NLRC5: variants seen among roughly 807,000 people sequenced by gnomAD.
NLRC5 encodes the protein NLR family CARD domain containing 5.
NLRC5 carries 114 observed loss-of-function variants against 206.9 expected under a neutral mutation model. That is an observed-to-expected ratio of 0.55 (90% CI 0.47 to 0.64). The LOEUF (loss-of-function observed/expected upper bound fraction) is 0.64, where lower values mean the gene tolerates loss of function less well. Ranked by LOEUF, NLRC5 falls within the 30% of genes least tolerant of loss-of-function variation. NLRC5 has a pLI of 0.00. For synonymous variants in NLRC5, 952 were observed against 962.8 expected, an observed-to-expected ratio of 0.99 and a Z score of 0.21; for missense variants, 2,008 against 2,305.5, an observed-to-expected ratio of 0.87 and a Z score of 2.64.
chr16:56,993,865 G>A (rs1218023857), intron 1 of NLRC5, among the ~76,000 whole-genome samples: 1 of 150,760 alleles, frequency 6.6e-6, no homozygotes, highest in African/African-American at 2.4e-5. Flanking sequence ...TGGTGGCATA[G>A]TTGCTTATAG....
chr16:57,028,481 C>A, intron 8 of NLRC5, 96 bp downstream of exon 8: 3 of 973,000 alleles, frequency 3.1e-6, no homozygotes, highest in Non-Finnish European at 4.9e-6. Flanking sequence ...CCAAGTCTGA[C>A]CAGTAGTTTT....
At position 57,026,875 on chromosome 16, in the gene NLRC5, C is replaced by T; in HGVS notation, c.1932C>T (p.Phe644=). 1 of 1,614,230 alleles carries T rather than the reference C, an allele frequency of 6.2e-7. No individual in the cohort carries two copies. The highest frequency in any genetic ancestry group is 8.5e-7 in the Non-Finnish European group (1 of 1,180,042). The change falls in exon 6 of 49, where the codon TTC becomes TTT. Residue 644 remains phenylalanine, a synonymous_variant. Coordinates refer to ENST00000688547, the MANE Select transcript of NLRC5 (RefSeq NM_001384950.1). ...SLPYQLPFHN[F]PLTCTDLATL... ...CCTATCAACTGCCCTTCCACAATTT[C>T]CCACTGACCTGCACCGACCTGGCCA... is the stretch of plus-strand genomic sequence containing the variant.
At chr16:57,036,354 A>T (rs553049162) in intron 14 of NLRC5, among the ~76,000 whole-genome samples, 171 bp downstream of exon 14, 2 of 152,366 alleles carry the variant, frequency 1.3e-5, no homozygotes, top group East Asian at 1.9e-4. Context: ...CTCCGGCATG[A>T]GCCACTGTCT....
chr16:57,012,091 T>C (rs1276074709), intron 1 of NLRC5, among the ~76,000 whole-genome samples: 1 of 152,254 alleles, frequency 6.6e-6, no homozygotes, highest in Non-Finnish European at 1.5e-5. Flanking sequence ...AGTAATCTAC[T>C]TGCTGTTTCA....
intron 36 of NLRC5, among the ~76,000 whole-genome samples, chr16:57,069,379 T>C (rs1362729084): frequency 6.6e-6 from 1 of 152,122 alleles, no homozygotes; most frequent in Admixed American, 6.5e-5. Context: ...GAAAAATCGC[T>C]TGAGCCCGGG....
At chr16:57,014,615 A>G (rs551338719) in intron 1 of NLRC5, among the ~76,000 whole-genome samples, 3 of 152,364 alleles carry the variant, frequency 2.0e-5, no homozygotes, top group African/African-American at 7.2e-5. Context: ...TGTTGTACAT[A>G]AAGTGCTGTT....
chr16:57,026,034 T>C lies in NLRC5; in HGVS notation c.1091T>C (p.Met364Thr), dbSNP rs1043168817. 3 of 1,613,918 alleles carry C rather than the reference T, an allele frequency of 1.9e-6. No homozygotes were observed. The highest frequency in any genetic ancestry group is 2.5e-6 in the Non-Finnish European group (3 of 1,180,056). The change falls in exon 6 of 49, where the codon ATG becomes ACG. Residue 364 changes from methionine (M) to threonine (T), a missense_variant. Transcript: ENST00000688547. ...CLPAEAAMVH[M>T]LGFDGPRVEE... ...CCTGCAGAGGCAGCCATGGTCCACA[T>C]GTTGGGCTTTGATGGGCCACGGGTG...
chr16:57,077,641 G>T (rs1375665595), intron 41 of NLRC5, 78 bp from the exon 42 acceptor site: 7 of 1,411,950 alleles, frequency 5.0e-6, no homozygotes, highest in African/African-American at 1.4e-5. Context: ...TGAAGCAGGG[G>T]TGGCAGACCC....
At chr16:57,081,364 C>G (rs1430917454) in intron 47 of NLRC5, 163 bp from the exon 48 acceptor site, 8 of 863,820 alleles carry the variant, frequency 9.3e-6, no homozygotes, top group African/African-American at 5.0e-5. Context: ...AGCCTTCCTG[C>G]TGCACCTGCC....
intron 1 of NLRC5, among the ~76,000 whole-genome samples, chr16:57,006,484 T>C (rs1473290010): frequency 7.3e-6 from 1 of 137,746 alleles, no homozygotes; most frequent in Non-Finnish European, 1.5e-5. Flanking sequence ...AGTGGCACTA[T>C]CTCAGCTTAC....
At chr16:57,011,341 A>T (rs1234538845) in intron 1 of NLRC5, among the ~76,000 whole-genome samples, 1 of 151,276 alleles carries the variant, frequency 6.6e-6, no homozygotes, top group African/African-American at 2.4e-5. Context: ...TGGACCCAGG[A>T]GGCAGAGGTT....
chr16:57,045,990 C>T (rs1266115949), intron 21 of NLRC5, among the ~76,000 whole-genome samples: 1 of 152,254 alleles, frequency 6.6e-6, no homozygotes, highest in Non-Finnish European at 1.5e-5. Context: ...GACCAGGCCT[C>T]TTGGCCTCAC....
At position 57,082,453 on chromosome 16, in the gene NLRC5, G is replaced by A. The variant is rs142565730; in HGVS notation, c.5526G>A (p.Gln1842=). 2.4e-5 allele frequency: 39 copies of A among 1,613,632 alleles called. No individual in the cohort carries two copies. The African/African-American group carries it at 3.5e-4, about 14-fold the overall frequency. Residue 1842 remains glutamine, a synonymous_variant, in exon 49 of 49, where the codon CAG becomes CAA. Coordinates refer to ENST00000688547, the MANE Select transcript of NLRC5 (RefSeq NM_001384950.1). Reference sequence around the variant, plus strand: ...ACCCCATTCCCTGCGACATGGCCCAGCACCTGAAGAGCCAGGAGCCCAGGC... The same window carrying A: ...ACCCCATTCCCTGCGACATGGCCCAACACCTGAAGAGCCAGGAGCCCAGGC... ...WNNPIPCDMA[Q]HLKSQEPRLD...
intron 43 of NLRC5, among the ~76,000 whole-genome samples, chr16:57,078,340 C>T (rs960157478): frequency 3.3e-5 from 5 of 152,082 alleles, no homozygotes; most frequent in Admixed American, 3.3e-4. Context: ...TCCCTGAGGG[C>T]GAATGAGAAA....
At chr16:57,011,720 CAAAAA>C (rs34446834) in intron 1 of NLRC5, among the ~76,000 whole-genome samples, 3 of 135,834 alleles carry the variant, frequency 2.2e-5, no homozygotes, top group Admixed American at 7.3e-5. Context: ...GACCCTGTGT[CAAAAA>C]AAAAAAAAAA....
Position 57,025,368 on chromosome 16 carries a change from A to T in NLRC5, c.425A>T (p.Glu142Val), listed in dbSNP as rs113208427. 3.6e-3 allele frequency: 5,492 copies of T among 1,531,684 alleles called. 164 individuals carry two copies. The African/African-American group carries it at 0.065, about 18-fold the overall frequency. The allele number at this position is 1,531,684 out of a possible 1,614,324, so 94.9% of individuals were successfully genotyped here. Residue 142 changes from glutamate (E) to valine (V), a missense_variant and splice_region_variant, in exon 6 of 49, where the codon GAG (glutamate) becomes GTG (valine). Glu to Val is a moderately radical substitution (Grantham distance 121). Coordinates refer to ENST00000688547, the MANE Select transcript of NLRC5 (RefSeq NM_001384950.1). ...CATGCCATGTCCCTGCCCCTTGCAG[A>T]GTTGGCCAAGAAGTACCTGCAGCTC... is the stretch of plus-strand genomic sequence containing the variant. Reference protein sequence around the residue: ...RRKQCKKQQLELAKKYLQLLR... With the variant: ...RRKQCKKQQLVLAKKYLQLLR...
chr16:57,051,001 C>T (rs2064821880), intron 23 of NLRC5, among the ~76,000 whole-genome samples: 1 of 152,074 alleles, frequency 6.6e-6, no homozygotes, highest in Non-Finnish European at 1.5e-5. Flanking sequence ...TACAGGTGTG[C>T]ACCACCACGC....
chr16:57,071,355 G>C (rs1182205361), intron 38 of NLRC5, among the ~76,000 whole-genome samples: 2 of 140,566 alleles, frequency 1.4e-5, no homozygotes, highest in African/African-American at 5.3e-5. Context: ...GGTGATGGTG[G>C]TTAATGGGGA....
chr16:57,037,365 C>G, intron 15 of NLRC5, 81 bp downstream of exon 15: 2 of 1,336,298 alleles, frequency 1.5e-6, no homozygotes, highest in Non-Finnish European at 2.1e-6. Flanking sequence ...CTTCTGGGCC[C>G]AGGCCTTGGG....
Sources: allele counts gnomAD v4.1 joint callset (sites outside exome capture counted in the v4.1 genomes callset), GRCh38; gene constraint gnomAD v4.1.1; transcripts MANE v1.5; gene names NCBI Gene and HGNC (gene_info 2026-07-23, HGNC 2026-07-21).